CST7: variants seen among roughly 807,000 people sequenced by gnomAD.
The protein encoded by CST7 is cystatin F, also known as cystatin-F.
CST7 carries 15 observed loss-of-function variants against 13.1 expected under a neutral mutation model. The ratio of observed to expected loss-of-function variants is 1.14; its 90% CI spans 0.77 to 1.76. The LOEUF (loss-of-function observed/expected upper bound fraction) is 1.76, where lower values mean the gene tolerates loss of function less well. Ranked by LOEUF, CST7 falls within the 40% of genes most tolerant of loss-of-function variation. The pLI, the probability that CST7 is intolerant of heterozygous loss-of-function variation, is 0.00. For missense variants in CST7, 193 were observed against 178.8 expected, an observed-to-expected ratio of 1.08 and a Z score of -0.45; for synonymous variants, 75 against 66.9, an observed-to-expected ratio of 1.12 and a Z score of -0.59.
rs985523538 is a variant in CST7, at chr20:24,955,048, ACAACAAC to A, written c.71-2238_71-2232del. ...GAGGAAAGAAAGCAAAACAACAACA[ACAACAAC>A]AAAAAAAAACGCTAATCTGACAGCA... On this transcript the variant is annotated intron_variant, in intron 1 of 3. Transcript: ENST00000480798. Among the ~76,000 whole-genome samples, 3 of 75,364 alleles carry A rather than the reference ACAACAAC, an allele frequency of 4.0e-5. 1 individual carries two copies. Among genetic ancestry groups the A allele is most frequent in the African/African-American group, 1.3e-4 (2 of 14,896 alleles). 49.4% of individuals were successfully genotyped at this position (75,364 alleles called of 152,430 possible). A position where few individuals can be genotyped will look rare whatever the true frequency, so the allele number is the denominator to read the frequency against.
chr20:24,956,165 G>A (rs2087852768), intron 1 of CST7, among the ~76,000 whole-genome samples: 2 of 152,196 alleles, frequency 1.3e-5, no homozygotes, highest in Non-Finnish European at 2.9e-5. Context: ...GCCACGTGGT[G>A]ACCAGAAACC....
intron 1 of CST7, among the ~76,000 whole-genome samples, chr20:24,951,052 T>C (rs1425439253): frequency 6.6e-6 from 1 of 152,162 alleles, no homozygotes; most frequent in Non-Finnish European, 1.5e-5. Flanking sequence ...TGGGAGCCGA[T>C]GTGCTGGGCA....
chr20:24,957,353 AC>A lies in CST7; in HGVS notation c.140del (p.Pro47GlnfsTer33). 6.2e-7 allele frequency: 1 copy of A among 1,613,730 alleles called. No homozygotes were observed. Among genetic ancestry groups the A allele is most frequent in the Non-Finnish European group, 8.5e-7 (1 of 1,179,796 alleles). ...PGFPKTIKTN[D>X]PGVLQAARYS... is the part of the protein sequence containing the mutation. The stretch of plus-strand genomic sequence containing the variant: ...TTTCCTAAAACAATAAAGACCAATG[AC>A]CCAGGAGTCCTCCAAGCAGCCAGAT... On this transcript the variant is annotated frameshift_variant, in exon 2 of 4. Coordinates refer to ENST00000480798, the MANE Select transcript of CST7 (RefSeq NM_003650.4). LOFTEE classifies it high-confidence loss of function.
At chr20:24,950,587 T>C (rs569154452) in intron 1 of CST7, among the ~76,000 whole-genome samples, 3 of 152,246 alleles carry the variant, frequency 2.0e-5, no homozygotes, top group Middle Eastern at 3.4e-3. Flanking sequence ...CAGCTTCTGC[T>C]CTCACTGATG....
intron 1 of CST7, among the ~76,000 whole-genome samples, chr20:24,952,437 C>T (rs1480554206): frequency 6.7e-6 from 1 of 149,794 alleles, no homozygotes; most frequent in African/African-American, 2.6e-5. Context: ...AGATAGACTC[C>T]GCCATTAGCC....
chr20:24,958,718 G>A (rs2087874627), intron 2 of CST7, among the ~76,000 whole-genome samples: 1 of 152,126 alleles, frequency 6.6e-6, no homozygotes, highest in Non-Finnish European at 1.5e-5. Context: ...TCTGTCTCAG[G>A]AAGGGGCACA....
Position 24,959,759 on chromosome 20 carries a change from C to A in CST7, c.*47C>A. 1 of 1,565,036 alleles carries A rather than the reference C, an allele frequency of 6.4e-7. No homozygotes were observed. The highest frequency in any genetic ancestry group is 8.8e-7 in the Non-Finnish European group (1 of 1,135,518). On this transcript the variant is annotated 3_prime_UTR_variant, in exon 4 of 4. Transcript: ENST00000480798. Reference sequence around the variant, plus strand: ...CACAGCCATGACAAACACCAGGATGCATGCTCCTTGTCCCCTCCCACCCGC... The same window carrying A: ...CACAGCCATGACAAACACCAGGATGAATGCTCCTTGTCCCCTCCCACCCGC...
At chr20:24,951,580 A>C (rs766912965) in intron 1 of CST7, among the ~76,000 whole-genome samples, 55 of 152,116 alleles carry the variant, frequency 3.6e-4, no homozygotes, top group Non-Finnish European at 5.3e-4. Flanking sequence ...CACAACTCCT[A>C]CAGCCCCTCC....
Position 24,949,345 on chromosome 20 carries a change from G to C in CST7, c.-161G>C. The C allele has an allele frequency of 6.5e-7, 1 of 1,543,404 alleles. No individual in the cohort carries two copies. Among genetic ancestry groups the C allele is most frequent in the Non-Finnish European group, 8.7e-7 (1 of 1,143,064 alleles). ...GCACTGGCCCGTGCTGCCTGAGAAG[G>C]ATTGGCACGGGCACAGACCACTGCC... is the stretch of plus-strand genomic sequence containing the variant. On this transcript the variant is annotated 5_prime_UTR_variant, in exon 1 of 4. Transcript: ENST00000480798.
intron 3 of CST7, among the ~76,000 whole-genome samples, chr20:24,959,349 A>G (rs1201347255): frequency 6.6e-6 from 1 of 152,124 alleles, no homozygotes; most frequent in African/African-American, 2.4e-5. Flanking sequence ...TCCAGAAATT[A>G]TATATGTATC....
chr20:24,958,475 G>A (rs2087873208), intron 2 of CST7, among the ~76,000 whole-genome samples: 1 of 152,196 alleles, frequency 6.6e-6, no homozygotes, highest in Non-Finnish European at 1.5e-5. Flanking sequence ...CCACAAATGA[G>A]AATGAACAAG....
chr20:24,953,285 C>T lies in CST7; in HGVS notation c.70+3710C>T, dbSNP rs537055701. Among the ~76,000 whole-genome samples the T allele has an allele frequency of 7.2e-5, 11 of 152,274 alleles. No individual in the cohort carries two copies. The South Asian group carries it at 2.3e-3, about 32-fold the overall frequency. On this transcript the variant is annotated intron_variant, in intron 1 of 3. Transcript: ENST00000480798. Reference sequence around the variant, plus strand: ...ATGGAGGAAACTCAAATCCATCTCCCCGAGGAGGCTGGGGCCCGGGTTTTT... The same window carrying T: ...ATGGAGGAAACTCAAATCCATCTCCTCGAGGAGGCTGGGGCCCGGGTTTTT...
At chr20:24,957,226 A>G in intron 1 of CST7, 61 bp from the exon 2 acceptor site, 3 of 1,543,348 alleles carry the variant, frequency 1.9e-6, no homozygotes, top group Non-Finnish European at 2.7e-6. Context: ...ATGAGGCGTG[A>G]CACCTGGACT....
At position 24,957,412 on chromosome 20, in the gene CST7, G is replaced by T. The variant is rs772160803; in HGVS notation, c.196G>T (p.Asp66Tyr). The T allele has an allele frequency of 1.2e-6, 2 of 1,613,780 alleles. No homozygotes were observed. The highest frequency in any genetic ancestry group is 1.7e-6 in the Non-Finnish European group (2 of 1,179,804). ...TGAAAAGTTCAACAACTGCACGAAC[G>T]ACATGTTCTTGTTCAAGGAGTCCCG... ...SVEKFNNCTN[D>Y]MFLFKESRIT... The change falls in exon 2 of 4, where the codon GAC (aspartate) becomes TAC (tyrosine). Residue 66 changes from aspartate to tyrosine, a missense_variant. Transcript: ENST00000480798.
At chr20:24,959,159 CT>C (rs1163829576) in intron 3 of CST7, 115 bp downstream of exon 3, 1 of 830,106 alleles carries the variant, frequency 1.2e-6, no homozygotes, top group East Asian at 2.5e-5. Flanking sequence ...AACCTCACCC[CT>C]GAGGAAGCCA....
At chr20:24,951,540 C>T (rs193203610) in intron 1 of CST7, among the ~76,000 whole-genome samples, 3 of 152,334 alleles carry the variant, frequency 2.0e-5, no homozygotes, top group African/African-American at 7.2e-5. Flanking sequence ...ACCTGGGCCC[C>T]AGACACAAGC....
rs745439041 is a variant in CST7, at chr20:24,949,460, G to T, written c.-46G>T. The T allele has an allele frequency of 6.2e-7, 1 of 1,613,824 alleles. No homozygotes were observed. Among genetic ancestry groups the T allele is most frequent in the Non-Finnish European group, 8.5e-7 (1 of 1,179,914 alleles). Reference sequence around the variant, plus strand: ...GCCCCATGCTGCCTGAGAAGGCACTGCACGGCCACCCCCAACTGCCCCGCA... The same window carrying T: ...GCCCCATGCTGCCTGAGAAGGCACTTCACGGCCACCCCCAACTGCCCCGCA... On this transcript the variant is annotated 5_prime_UTR_variant, in exon 1 of 4. Transcript: ENST00000480798.
rs768534697 is a variant in CST7, at chr20:24,958,952, C to T, written c.268C>T (p.Leu90=). 3.1e-6 allele frequency: 5 copies of T among 1,613,978 alleles called. No individual in the cohort carries two copies. Among genetic ancestry groups the T allele is most frequent in the South Asian group, 1.1e-5 (1 of 91,082 alleles). ...VQIVKGLKYM[L]EVEIGRTTCK... is the part of the protein sequence containing the mutation. ...GATAGTGAAAGGCCTGAAATATATG[C>T]TGGAGGTGGAAATTGGCAGAACTAC... The change falls in exon 3 of 4, where the codon CTG becomes TTG. Residue 90 remains leucine (L), a synonymous_variant. Transcript: ENST00000480798.
At position 24,959,831 on chromosome 20, in the gene CST7, C is replaced by A; in HGVS notation, c.*119C>A. 5 of 996,122 alleles carry A rather than the reference C, an allele frequency of 5.0e-6. No homozygotes were observed. Among genetic ancestry groups the A allele is most frequent in the Admixed American group, 1.8e-5 (1 of 55,974 alleles). The allele number at this position is 996,122 out of a possible 1,614,324, so 61.7% of individuals were successfully genotyped here. ...CCCTCTCAGGCCTCTGACGAGTGAGCGGGTGAAGTGCCACTGGGTCACCGC... is the reference window on the plus strand; with the variant it reads ...CCCTCTCAGGCCTCTGACGAGTGAGAGGGTGAAGTGCCACTGGGTCACCGC... On this transcript the variant is annotated 3_prime_UTR_variant, in exon 4 of 4. Transcript: ENST00000480798.
Sources: gnomAD v4.1 joint callset for allele counts (sites outside exome capture counted in the v4.1 genomes callset) on GRCh38, gnomAD v4.1.1 for gene constraint, MANE v1.5 for transcripts, NCBI Gene and HGNC (gene_info 2026-07-23, HGNC 2026-07-21) for gene names.